AP3B1: variants seen among roughly 807,000 people sequenced by gnomAD.
AP3B1 encodes the protein AP-3 complex subunit beta-1.
Under a neutral mutation model 132.5 loss-of-function variants are expected in AP3B1, and 61 were observed. That is an observed-to-expected ratio of 0.46 (90% CI 0.37 to 0.57). The LOEUF is 0.57. AP3B1 is among the 20% of genes least tolerant of loss of function. AP3B1 has a pLI of 0.00. For missense variants in AP3B1, 1,120 were observed against 1,289.4 expected (o/e 0.87, Z 2.01); for synonymous variants, 388 against 438.3 (o/e 0.89, Z 1.43).
At chr5:78,020,616 T>A (rs1439553681) in intron 25 of AP3B1, 76 bp downstream of exon 25, 14 of 1,214,460 alleles carry the variant, frequency 1.2e-5, no homozygotes, top group Non-Finnish European at 1.6e-5. Flanking sequence ...TATGAAAATT[T>A]ATTTTAGAGA....
chr5:78,227,348 G>A (rs754555122), intron 5 of AP3B1, 24 bp downstream of exon 5: 3 of 1,607,480 alleles, frequency 1.9e-6, no homozygotes, highest in South Asian at 2.2e-5. Context: ...GAGATCTTTG[G>A]TATATTGTTA....
chr5:78,119,563 C>T (rs548828652), intron 17 of AP3B1, among the ~76,000 whole-genome samples: 58 of 152,134 alleles, frequency 3.8e-4, no homozygotes, highest in South Asian at 1.7e-3. Flanking sequence ...CAGGAGCCGA[C>T]GCGATCAACT....
At chr5:78,086,844 GT>G (rs553332084) in intron 22 of AP3B1, among the ~76,000 whole-genome samples, 9 of 150,184 alleles carry the variant, frequency 6.0e-5, no homozygotes, top group South Asian at 2.1e-4. Context: ...AAAATACGAA[GT>G]TTTTTTTTTC....
chr5:78,096,667 C>T (rs547453648), intron 21 of AP3B1, among the ~76,000 whole-genome samples: 2 of 152,024 alleles, frequency 1.3e-5, no homozygotes, highest in East Asian at 2.0e-4. Context: ...GCCGCGACTC[C>T]GTCTGGGAGG....
chr5:78,167,989 C>T (rs1580434574), intron 11 of AP3B1, among the ~76,000 whole-genome samples: 2 of 148,390 alleles, frequency 1.3e-5, no homozygotes, highest in South Asian at 4.2e-4. Context: ...TAACCAAACA[C>T]CACCTGTTCA....
intron 18 of AP3B1, 61 bp from the exon 19 acceptor site, chr5:78,113,984 T>C: frequency 6.5e-7 from 1 of 1,546,056 alleles, no homozygotes; most frequent in South Asian, 1.2e-5. Context: ...CACGGACACC[T>C]GTAACTGTCA....
At chr5:78,251,182 TC>T (rs1052523892) in intron 2 of AP3B1, among the ~76,000 whole-genome samples, 4 of 152,078 alleles carry the variant, frequency 2.6e-5, no homozygotes, top group Admixed American at 6.6e-5. Flanking sequence ...TTCTTTTTCC[TC>T]AAAATATTAA....
chr5:78,234,276 T>C (rs1448718090), intron 3 of AP3B1, among the ~76,000 whole-genome samples: 1 of 152,176 alleles, frequency 6.6e-6, no homozygotes, highest in African/African-American at 2.4e-5. Context: ...GAAACACTGT[T>C]CCTTTAAATG....
intron 2 of AP3B1, among the ~76,000 whole-genome samples, chr5:78,249,902 T>C (rs974960638): frequency 6.6e-5 from 10 of 152,170 alleles, no homozygotes; most frequent in African/African-American, 2.2e-4. Flanking sequence ...TTTCTAATGA[T>C]CTGTCTTCAA....
chr5:78,268,122 A>G lies in AP3B1; in HGVS notation c.129-527T>C, dbSNP rs190931424. On this transcript the variant is annotated intron_variant, in intron 1 of 26. Transcript: ENST00000255194. ...TTGAAAATATTTAAACAGTAGAGGT[A>G]GTAATAAATAAAAACTGTCTCTGAG... Among the ~76,000 whole-genome samples, 260 of 152,320 alleles carry G rather than the reference A, an allele frequency of 1.7e-3. 1 individual carries two copies. The highest frequency in any genetic ancestry group is 3.4e-3 in the Middle Eastern group (1 of 294).
At chr5:78,063,072 T>A (rs1749128203) in intron 22 of AP3B1, among the ~76,000 whole-genome samples, 1 of 152,196 alleles carries the variant, frequency 6.6e-6, no homozygotes, top group Non-Finnish European at 1.5e-5. Context: ...GTTCTTAATG[T>A]CAAAATATTG....
chr5:78,266,764 T>C (rs1748339405), intron 2 of AP3B1, among the ~76,000 whole-genome samples: 2 of 152,192 alleles, frequency 1.3e-5, no homozygotes, highest in South Asian at 2.1e-4. Context: ...GCAAAACTCC[T>C]GAGCATCAGA....
intron 25 of AP3B1, among the ~76,000 whole-genome samples, chr5:78,018,335 A>T (rs555510297): frequency 5.3e-5 from 8 of 152,070 alleles, no homozygotes; most frequent in Middle Eastern, 3.4e-3. Context: ...TATATATATA[A>T]AAAAGTTTAG....
chr5:78,053,560 A>T (rs1387043339), intron 22 of AP3B1, among the ~76,000 whole-genome samples: 3 of 151,526 alleles, frequency 2.0e-5, no homozygotes, highest in Non-Finnish European at 4.4e-5. Context: ...CATGCCTGTA[A>T]TCCCAGCTAC....
At chr5:78,255,285 A>G (rs868436358) in intron 2 of AP3B1, among the ~76,000 whole-genome samples, 1 of 152,122 alleles carries the variant, frequency 6.6e-6, no homozygotes, top group East Asian at 1.9e-4. Context: ...AAACTCGCCA[A>G]TCAGAAAAAC....
rs533388466 is a variant in AP3B1 at position 78,192,061 on chromosome 5, C to T, written c.787-10399G>A. Reference sequence around the variant, plus strand: ...TTTTAGTAGAGACAGGGTTTCTCCACGTTGGTCAGGCTGGTCTCGAACTCC... The same window carrying T: ...TTTTAGTAGAGACAGGGTTTCTCCATGTTGGTCAGGCTGGTCTCGAACTCC... On this transcript the variant is annotated intron_variant, in intron 7 of 26. Transcript: ENST00000255194. Among the ~76,000 whole-genome samples, 68 of 151,686 alleles carry T rather than the reference C, an allele frequency of 4.5e-4. 1 individual carries two copies. Among genetic ancestry groups the T allele is most frequent in the African/African-American group, 1.5e-3 (64 of 41,416 alleles).
Position 78,024,009 on chromosome 5 carries a change from G to A in AP3B1, c.2895-3220C>T, listed in dbSNP as rs566092334. 6.6e-4 allele frequency among the ~76,000 whole-genome samples: 101 copies of A among 152,268 alleles called. 1 individual carries two copies. Among genetic ancestry groups the A allele is most frequent in the Admixed American group, 3.6e-3 (55 of 15,296 alleles). On this transcript the variant is annotated intron_variant, in intron 24 of 26. Coordinates refer to ENST00000255194, the MANE Select transcript of AP3B1 (RefSeq NM_003664.5). ...GGTCTTAGGAGAGGTAAAAGAGGTT[G>A]GGATGAAGAGCACAAGAATGAGGTG...
At chr5:78,234,003 G>A (rs1371133567) in intron 3 of AP3B1, among the ~76,000 whole-genome samples, 1 of 152,004 alleles carries the variant, frequency 6.6e-6, no homozygotes, top group Non-Finnish European at 1.5e-5. Flanking sequence ...TATAAAAGAA[G>A]AATGCTTTAA....
intron 22 of AP3B1, among the ~76,000 whole-genome samples, chr5:78,083,999 G>A (rs557084771): frequency 6.6e-6 from 1 of 152,112 alleles, no homozygotes. Flanking sequence ...AACTAAAAAA[G>A]TTTCATCTCT....
Sources: gnomAD v4.1 joint callset for allele counts (sites outside exome capture counted in the v4.1 genomes callset) on GRCh38, gnomAD v4.1.1 for gene constraint, MANE v1.5 for transcripts, NCBI Gene and HGNC (gene_info 2026-07-23, HGNC 2026-07-21) for gene names.